MAN1A2: variants seen among roughly 807,000 people sequenced by gnomAD.
MAN1A2 encodes the protein mannosyl-oligosaccharide 1,2-alpha-mannosidase IB.
A neutral mutation model predicts 75.7 loss-of-function variants in MAN1A2; 26 were observed. That is an observed-to-expected ratio of 0.34 (90% CI 0.25 to 0.48). MAN1A2 has a LOEUF of 0.48. Ranked by LOEUF, MAN1A2 falls within the 20% of genes least tolerant of loss-of-function variation. The pLI, the probability that MAN1A2 is intolerant of heterozygous loss-of-function variation, is 0.99. For synonymous variants in MAN1A2, 247 were observed against 264.6 expected, an observed-to-expected ratio of 0.93 and a Z score of 0.65; for missense variants, 562 against 775.5, an observed-to-expected ratio of 0.72 and a Z score of 3.27.
At chr1:117,417,536 T>TAA (rs1041445731) in intron 4 of MAN1A2, among the ~76,000 whole-genome samples, 3 of 133,152 alleles carry the variant, frequency 2.3e-5, no homozygotes, top group African/African-American at 9.0e-5. Flanking sequence ...TGAGTTTAAA[T>TAA]ATATATATAT....
At chr1:117,377,705 T>G (rs1175465034) in intron 1 of MAN1A2, among the ~76,000 whole-genome samples, 1 of 152,264 alleles carries the variant, frequency 6.6e-6, no homozygotes, top group Non-Finnish European at 1.5e-5. Flanking sequence ...GTTTTGTTTC[T>G]GGTGCTGTGA....
intron 1 of MAN1A2, among the ~76,000 whole-genome samples, chr1:117,386,939 T>C (rs1653546968): frequency 6.6e-6 from 1 of 151,594 alleles, no homozygotes; most frequent in South Asian, 2.1e-4. Context: ...ACAAAAACTG[T>C]GAAAAGGTGC....
In MAN1A2 at chr1:117,429,574, C is replaced by CA. The variant is rs1307999702; in HGVS notation, c.855+8925_855+8926insA. 4.3e-4 allele frequency among the ~76,000 whole-genome samples: 35 copies of CA among 81,970 alleles called. 1 individual carries two copies. Among genetic ancestry groups the CA allele is most frequent in the Non-Finnish European group, 6.5e-4 (25 of 38,408 alleles). The allele number at this position is 81,970 out of a possible 152,430, so 53.8% of individuals were successfully genotyped here. A position where few individuals can be genotyped will look rare whatever the true frequency, so the allele number is the denominator to read the frequency against. On this transcript the variant is annotated intron_variant, in intron 5 of 12. Coordinates refer to ENST00000356554, the MANE Select transcript of MAN1A2 (RefSeq NM_006699.5). ...CTCCCGGACGGGGCGGCTGGCCGGG[C>CA]GGGGGGCTGACCCCCCCACCTCCCT... is the stretch of plus-strand genomic sequence containing the variant.
chr1:117,405,710 C>G, intron 3 of MAN1A2, 65 bp downstream of exon 3: 1 of 916,656 alleles, frequency 1.1e-6, no homozygotes, highest in Non-Finnish European at 1.8e-6. Context: ...CAAGATGTAA[C>G]TTTTCAAAGT....
intron 8 of MAN1A2, among the ~76,000 whole-genome samples, chr1:117,474,864 C>T (rs550266282): frequency 6.6e-6 from 1 of 152,012 alleles, no homozygotes; most frequent in East Asian, 2.0e-4. Context: ...CTCCCTTCCC[C>T]CTCCCCCAAA....
intron 5 of MAN1A2, among the ~76,000 whole-genome samples, chr1:117,434,471 A>G (rs1452420592): frequency 6.6e-6 from 1 of 152,176 alleles, no homozygotes; most frequent in Non-Finnish European, 1.5e-5. Context: ...ACTCTGACCC[A>G]GCGACCCACT....
At chr1:117,378,646 T>TG (rs2101722910) in intron 1 of MAN1A2, among the ~76,000 whole-genome samples, 1 of 151,604 alleles carries the variant, frequency 6.6e-6, no homozygotes, top group South Asian at 2.1e-4. Context: ...GACTCTAAAT[T>TG]TTTTTGTTTA....
intron 7 of MAN1A2, among the ~76,000 whole-genome samples, chr1:117,464,119 A>G (rs1299302932): frequency 6.6e-6 from 1 of 152,152 alleles, no homozygotes; most frequent in Non-Finnish European, 1.5e-5. Context: ...TAGTACCAGC[A>G]CTTTGGGAGG....
chr1:117,458,499 A>G (rs796754249), intron 6 of MAN1A2, among the ~76,000 whole-genome samples: 1 of 85,888 alleles, frequency 1.2e-5, no homozygotes, highest in African/African-American at 5.2e-5. Context: ...ATATATATCT[A>G]TATATATATA....
chr1:117,470,793 G>A (rs1330725724), intron 8 of MAN1A2, among the ~76,000 whole-genome samples: 5 of 151,878 alleles, frequency 3.3e-5, no homozygotes, highest in African/African-American at 1.2e-4. Context: ...TGAGCTATAT[G>A]CATCTGTCAT....
intron 6 of MAN1A2, among the ~76,000 whole-genome samples, chr1:117,449,749 G>A (rs61805790): frequency 0.25 from 38,134 of 152,086 alleles, 5,583 homozygotes; most frequent in East Asian, 0.48. Flanking sequence ...TGAAATAGCC[G>A]TATTGCCAAC....
chr1:117,498,823 G>T (rs984457086), intron 10 of MAN1A2, among the ~76,000 whole-genome samples: 1 of 151,638 alleles, frequency 6.6e-6, no homozygotes, highest in African/African-American at 2.4e-5. Context: ...TTATAGCTGT[G>T]CTATAATTTT....
chr1:117,403,978 A>G (rs1026649284), intron 2 of MAN1A2, among the ~76,000 whole-genome samples: 1 of 152,156 alleles, frequency 6.6e-6, no homozygotes, highest in African/African-American at 2.4e-5. Context: ...TTTATCATGA[A>G]TGAGTGTTGA....
chr1:117,385,344 T>A (rs1653489616), intron 1 of MAN1A2, among the ~76,000 whole-genome samples: 1 of 152,186 alleles, frequency 6.6e-6, no homozygotes, highest in Non-Finnish European at 1.5e-5. Context: ...GAGAAGAACC[T>A]ATATAGGTGA....
At chr1:117,500,854 G>T (rs1651178695) in intron 11 of MAN1A2, among the ~76,000 whole-genome samples, 2 of 151,796 alleles carry the variant, frequency 1.3e-5, no homozygotes, top group Admixed American at 1.3e-4. Flanking sequence ...CACTTCTATT[G>T]TTAGCAGTGG....
In MAN1A2 at chr1:117,367,986, T is replaced by C. The variant is rs1283603010; in HGVS notation, c.-198T>C. 1.0e-5 allele frequency: 6 copies of C among 572,622 alleles called. No individual in the cohort carries two copies. The highest frequency in any genetic ancestry group is 5.8e-5 in the East Asian group (2 of 34,676). The allele number at this position is 572,622 out of a possible 1,614,324, so 35.5% of individuals were successfully genotyped here. A position where few individuals can be genotyped will look rare whatever the true frequency, so the allele number is the denominator to read the frequency against. Reference sequence around the variant, plus strand: ...TCGCAGGACCTAAACTTGTGATCGTTTGGGGGAGGTCACACACGTTTCTGA... The same window carrying C: ...TCGCAGGACCTAAACTTGTGATCGTCTGGGGGAGGTCACACACGTTTCTGA... On this transcript the variant is annotated 5_prime_UTR_variant, in exon 1 of 13. Transcript: ENST00000356554.
Position 117,526,880 on chromosome 1 carries a change from C to CTCTATATATATATATATA in MAN1A2, c.*3924_*3925insCTATATATATATATATAT. 18 of 54,518 alleles carry CTCTATATATATATATATA rather than the reference C, an allele frequency of 3.3e-4. No homozygotes were observed. Among genetic ancestry groups the CTCTATATATATATATATA allele is most frequent in the Admixed American group, 9.6e-4 (4 of 4,174 alleles). The allele number at this position is 54,518 out of a possible 1,614,324, so 3.4% of individuals were successfully genotyped here. A position where few individuals can be genotyped will look rare whatever the true frequency, so the allele number is the denominator to read the frequency against. ...TCTCTCTCTCTCTCTCTCTCTCTCT[C>CTCTATATATATATATATA]TATATATATATATATATATATATAT... On this transcript the variant is annotated 3_prime_UTR_variant, in exon 13 of 13. Coordinates refer to ENST00000356554, the MANE Select transcript of MAN1A2 (RefSeq NM_006699.5).
chr1:117,393,223 C>G (rs1021627230), intron 1 of MAN1A2, among the ~76,000 whole-genome samples: 2 of 152,170 alleles, frequency 1.3e-5, no homozygotes, highest in Non-Finnish European at 2.9e-5. Context: ...GTAAACATCT[C>G]CCTTATAATA....
intron 1 of MAN1A2, among the ~76,000 whole-genome samples, chr1:117,370,557 T>C (rs528235695): frequency 6.6e-6 from 1 of 152,366 alleles, no homozygotes; most frequent in African/African-American, 2.4e-5. Context: ...AAATACTTTT[T>C]AAATTAAGTG....
Sources: allele counts gnomAD v4.1 joint callset (sites outside exome capture counted in the v4.1 genomes callset), GRCh38; gene constraint gnomAD v4.1.1; transcripts MANE v1.5; gene names NCBI Gene and HGNC (gene_info 2026-07-23, HGNC 2026-07-21).